The following RNF139 variants were observed in gnomAD, a reference collection of about 807,000 sequenced individuals.
The protein encoded by RNF139 is E3 ubiquitin-protein ligase RNF139.
RNF139 carries 15 observed loss-of-function variants against 49.5 expected under a neutral mutation model. The observed-to-expected ratio is 0.30, with a 90% CI of 0.20 to 0.47. The LOEUF (loss-of-function observed/expected upper bound fraction) is 0.47. Ranked by LOEUF, RNF139 falls within the 20% of genes least tolerant of loss-of-function variation. The pLI is 1.00. For synonymous variants in RNF139, 325 were observed against 300.9 expected (o/e 1.08, Z -0.83); for missense variants, 619 against 806.3 (o/e 0.77, Z 2.81).
chr8:124,483,063 T>TTTA (rs1563631311), intron 1 of RNF139, among the ~76,000 whole-genome samples: 20 of 85,546 alleles, frequency 2.3e-4, no homozygotes, highest in Non-Finnish European at 3.7e-4. Context: ...CTATTAAAAA[T>TTTA]ATATATATAT....
At chr8:124,475,313 G>T (rs1194790814) in intron 1 of RNF139, 23 bp downstream of exon 1, 4 of 1,591,398 alleles carry the variant, frequency 2.5e-6, no homozygotes, top group Non-Finnish European at 3.4e-6. Context: ...GGTACCGTAC[G>T]TCCCGGGACG....
rs1177320429 is a variant in RNF139 at position 124,474,957 on chromosome 8, C to G, written c.-153C>G. 1 of 425,804 alleles carries G rather than the reference C, an allele frequency of 2.3e-6. No homozygotes were observed. The highest frequency in any genetic ancestry group is 4.8e-5 in the Admixed American group (1 of 20,802). 26.4% of individuals were successfully genotyped at this position (425,804 alleles called of 1,614,324 possible). ...GCCGCCTGCTCCACCTCGAGGGACG[C>G]GAGCGGGCGGCGGGGCTGGCCGTGA... On this transcript the variant is annotated 5_prime_UTR_variant, in exon 1 of 2. Coordinates refer to ENST00000303545, the MANE Select transcript of RNF139 (RefSeq NM_007218.4). The surrounding 1 kb of genome is among the most constrained non-coding windows in gnomAD (Gnocchi z 4.6).
In RNF139 at chr8:124,486,557, A is replaced by G. The variant is rs1446495547; in HGVS notation, c.908A>G (p.His303Arg). The change falls in exon 2 of 2, where the codon CAT (histidine) becomes CGT (arginine). Residue 303 changes from histidine (H) to arginine (R), a missense_variant. Transcript: ENST00000303545. ...GMSAVISSVAHYLGLGILAFI... is the reference protein window; with the variant it reads ...GMSAVISSVARYLGLGILAFI... ...AGTGCTGTAATTTCCTCAGTAGCCC[A>G]TTATTTGGGGCTTGGAATATTGGCC... 18 of 1,614,050 alleles carry G rather than the reference A, an allele frequency of 1.1e-5. No homozygotes were observed. Among genetic ancestry groups the G allele is most frequent in the Non-Finnish European group, 1.4e-5 (17 of 1,180,048 alleles).
chr8:124,486,292 A>G lies in RNF139; in HGVS notation c.643A>G (p.Met215Val), dbSNP rs1411946076. The change falls in exon 2 of 2, where the codon ATG becomes GTG. Residue 215 changes from methionine to valine, a missense_variant. Physicochemically the swap from Met to Val is conservative, Grantham distance 21. Coordinates refer to ENST00000303545, the MANE Select transcript of RNF139 (RefSeq NM_007218.4). Reference protein sequence around the residue: ...TRYVYLLVRHMYRIYGLQLLM... With the variant: ...TRYVYLLVRHVYRIYGLQLLM... ...ATATGTTTATCTTTTGGTGAGGCAC[A>G]TGTATCGAATTTACGGATTACAGTT... 1 of 1,614,020 alleles carries G rather than the reference A, an allele frequency of 6.2e-7. No individual in the cohort carries two copies. The highest frequency in any genetic ancestry group is 8.5e-7 in the Non-Finnish European group (1 of 1,180,018).
intron 1 of RNF139, among the ~76,000 whole-genome samples, chr8:124,476,135 T>C (rs1023939224): frequency 1.3e-5 from 2 of 152,242 alleles, no homozygotes; most frequent in African/African-American, 4.8e-5. Flanking sequence ...AGTAGGCTAG[T>C]GCTTTTGAAG....
In RNF139 at chr8:124,487,918, T is replaced by G. The variant is rs1324878984; in HGVS notation, c.*274T>G. The G allele has an allele frequency of 3.1e-6, 1 of 324,720 alleles. No homozygotes were observed. Among genetic ancestry groups the G allele is most frequent in the Admixed American group, 4.5e-5 (1 of 22,266 alleles). The allele number at this position is 324,720 out of a possible 1,614,324, so 20.1% of individuals were successfully genotyped here. On this transcript the variant is annotated 3_prime_UTR_variant, in exon 2 of 2. Coordinates refer to ENST00000303545, the MANE Select transcript of RNF139 (RefSeq NM_007218.4). ...TATGACAAAATTTGAACAAATAGCT[T>G]TTTAATAGATGTAATGATCATATGG...
chr8:124,482,667 C>T (rs1049099113), intron 1 of RNF139, among the ~76,000 whole-genome samples: 3 of 151,608 alleles, frequency 2.0e-5, no homozygotes, highest in Non-Finnish European at 4.4e-5. Flanking sequence ...TGGCTCACGC[C>T]TATAATCGCA....
At chr8:124,482,576 T>C (rs1816432347) in intron 1 of RNF139, among the ~76,000 whole-genome samples, 1 of 152,082 alleles carries the variant, frequency 6.6e-6, no homozygotes, top group Non-Finnish European at 1.5e-5. Flanking sequence ...TGGCATCTGG[T>C]AGGCTGAATT....
chr8:124,474,995 A>T lies in RNF139; in HGVS notation c.-115A>T. ...GGGCTGGCCGTGAGAGAGACAGGAGAGGAAGGAGGGCAGGGGCGGAGTTGC... is the reference window on the plus strand; with the variant it reads ...GGGCTGGCCGTGAGAGAGACAGGAGTGGAAGGAGGGCAGGGGCGGAGTTGC... On this transcript the variant is annotated 5_prime_UTR_variant, in exon 1 of 2. Coordinates refer to ENST00000303545, the MANE Select transcript of RNF139 (RefSeq NM_007218.4). The surrounding 1 kb of genome is among the most constrained non-coding windows in gnomAD (Gnocchi z 4.6). 1 of 581,078 alleles carries T rather than the reference A, an allele frequency of 1.7e-6. No homozygotes were observed. The highest frequency in any genetic ancestry group is 2.5e-6 in the Non-Finnish European group (1 of 405,506). The allele number at this position is 581,078 out of a possible 1,614,324, so 36.0% of individuals were successfully genotyped here. A position where few individuals can be genotyped will look rare whatever the true frequency, so the allele number is the denominator to read the frequency against.
chr8:124,484,003 A>G (rs1209365004), intron 1 of RNF139, among the ~76,000 whole-genome samples: 1 of 152,190 alleles, frequency 6.6e-6, no homozygotes, highest in Non-Finnish European at 1.5e-5. Context: ...ACTGCAGACT[A>G]CAATATCAGG....
intron 1 of RNF139, among the ~76,000 whole-genome samples, chr8:124,476,923 T>C (rs1816324865): frequency 6.6e-6 from 1 of 152,240 alleles, no homozygotes; most frequent in African/African-American, 2.4e-5. Flanking sequence ...ATTTTCCTTG[T>C]ACTAGGCATG....
chr8:124,481,792 A>G (rs1816412536), intron 1 of RNF139, among the ~76,000 whole-genome samples: 1 of 152,140 alleles, frequency 6.6e-6, no homozygotes, highest in Non-Finnish European at 1.5e-5. Flanking sequence ...ATTTTCTTAG[A>G]CCTACAGTTT....
At chr8:124,485,092 C>T (rs748572372) in intron 1 of RNF139, among the ~76,000 whole-genome samples, 4 of 152,116 alleles carry the variant, frequency 2.6e-5, no homozygotes, top group East Asian at 1.9e-4. Flanking sequence ...TGGCTGGGTG[C>T]GGTGGCTCAC....
Position 124,488,264 on chromosome 8 carries a change from C to G in RNF139, c.*620C>G, listed in dbSNP as rs1308725733. ...GTATCAACTAAACTTTGATATAAAC[C>G]AGAATGTGCTAAATGTTTTTTATGT... On this transcript the variant is annotated 3_prime_UTR_variant, in exon 2 of 2. Coordinates refer to ENST00000303545, the MANE Select transcript of RNF139 (RefSeq NM_007218.4). Among the ~76,000 whole-genome samples the G allele has an allele frequency of 6.6e-6, 1 of 152,118 alleles. No homozygotes were observed. Among genetic ancestry groups the G allele is most frequent in the Non-Finnish European group, 1.5e-5 (1 of 68,016 alleles).
rs1390130006 is a variant in RNF139 at position 124,488,428 on chromosome 8, T to A, written c.*784T>A. On this transcript the variant is annotated 3_prime_UTR_variant, in exon 2 of 2. Coordinates refer to ENST00000303545, the MANE Select transcript of RNF139 (RefSeq NM_007218.4). ...TAAGATACTCAATGATATAAAAACA[T>A]CCTGATCTGATTTTACGAGAAAAAG... The A allele has an allele frequency of 1.3e-5, 6 of 468,546 alleles. No individual in the cohort carries two copies. Among genetic ancestry groups the A allele is most frequent in the Non-Finnish European group, 1.5e-5 (4 of 261,104 alleles). The allele number at this position is 468,546 out of a possible 1,614,324, so 29.0% of individuals were successfully genotyped here.
intron 1 of RNF139, among the ~76,000 whole-genome samples, chr8:124,477,047 G>T (rs1816326314): frequency 6.6e-6 from 1 of 152,042 alleles, no homozygotes; most frequent in Admixed American, 6.6e-5. Context: ...GGAGAGTGAG[G>T]TTATCTGTTT....
chr8:124,481,154 AT>A (rs1220071264), intron 1 of RNF139, among the ~76,000 whole-genome samples: 2 of 152,154 alleles, frequency 1.3e-5, no homozygotes, highest in African/African-American at 4.8e-5. Context: ...TTTCTTTATA[AT>A]TTATCAAGTA....
At position 124,482,935 on chromosome 8, in the gene RNF139, T is replaced by TA. The variant is rs201354230; in HGVS notation, c.182-2887dup. Among the ~76,000 whole-genome samples, 126 of 79,632 alleles carry TA rather than the reference T, an allele frequency of 1.6e-3. 3 individuals are homozygous for TA. The highest frequency in any genetic ancestry group is 0.014 in the Middle Eastern group (2 of 144). The allele number at this position is 79,632 out of a possible 152,430, so 52.2% of individuals were successfully genotyped here. A position where few individuals can be genotyped will look rare whatever the true frequency, so the allele number is the denominator to read the frequency against. The stretch of plus-strand genomic sequence containing the variant: ...GAGCGAAACTCCATTAAAAAAAATA[T>TA]AAAAAAAAATATATATATATATAAT... On this transcript the variant is annotated intron_variant, in intron 1 of 1. Transcript: ENST00000303545.
chr8:124,481,955 G>GGTA (rs202087246), intron 1 of RNF139, among the ~76,000 whole-genome samples: 1 of 152,160 alleles, frequency 6.6e-6, no homozygotes, highest in East Asian at 1.9e-4. Context: ...AAATTCCATA[G>GGTA]GTAGGAACGT....
Sources: gnomAD v4.1 joint callset for allele counts (sites outside exome capture counted in the v4.1 genomes callset) on GRCh38, gnomAD v4.1.1 for gene constraint, Gnocchi (gnomAD v3.1) non-coding constraint, MANE v1.5 for transcripts, NCBI Gene and HGNC (gene_info 2026-07-23, HGNC 2026-07-21) for gene names.